CALN1: variants seen among roughly 807,000 people sequenced by gnomAD.
The protein encoded by CALN1 is calcium-binding protein 8.
Under a neutral mutation model 30.6 loss-of-function variants are expected in CALN1, and 17 were observed. The ratio of observed to expected loss-of-function variants is 0.56; its 90% CI spans 0.38 to 0.83. CALN1 has a LOEUF of 0.83. Ranked by LOEUF, CALN1 falls within the 40% of genes least tolerant of loss-of-function variation. CALN1 has a pLI of 0.00. For missense variants in CALN1, 291 were observed against 354.9 expected (o/e 0.82, Z 1.45); for synonymous variants, 156 against 131.4 (o/e 1.19, Z -1.28).
intron 5 of CALN1, among the ~76,000 whole-genome samples, chr7:71,924,338 C>A (rs905740000): frequency 6.6e-6 from 1 of 151,686 alleles, no homozygotes; most frequent in South Asian, 2.1e-4. Flanking sequence ...TTCAGACCAG[C>A]CTTTCCAGAT....
intron 2 of CALN1, among the ~76,000 whole-genome samples, chr7:72,306,954 T>A (rs983753410): frequency 6.6e-6 from 1 of 152,156 alleles, no homozygotes; most frequent in Non-Finnish European, 1.5e-5. Context: ...CCAGATAGCA[T>A]CACACGGAAG....
At chr7:72,437,097 A>C (rs1314088714) in intron 1 of CALN1, among the ~76,000 whole-genome samples, 2 of 151,712 alleles carry the variant, frequency 1.3e-5, no homozygotes, top group Non-Finnish European at 2.9e-5. Flanking sequence ...GAACCTCTAG[A>C]TGATTTTGGT....
chr7:71,847,749 G>T (rs1051976716), intron 5 of CALN1, among the ~76,000 whole-genome samples: 1 of 118,908 alleles, frequency 8.4e-6, no homozygotes. Flanking sequence ...GAAAGAAGAA[G>T]AAAGAAGAAA....
intron 5 of CALN1, among the ~76,000 whole-genome samples, chr7:72,001,755 G>A (rs1230923298): frequency 1.3e-5 from 2 of 152,114 alleles, no homozygotes; most frequent in African/African-American, 2.4e-5. Context: ...TTTCTTCTGA[G>A]AAGGCAAGAA....
chr7:72,492,699 T>C, the CALN1 span, among the ~76,000 whole-genome samples: 1 of 152,316 alleles, frequency 6.6e-6, no homozygotes, highest in South Asian at 2.1e-4. Context: ...TACCCACTCT[T>C]ATCTGGACCT....
chr7:72,308,369 G>GGT (rs1488050639), intron 2 of CALN1, among the ~76,000 whole-genome samples: 1 of 103,810 alleles, frequency 9.6e-6, no homozygotes. Context: ...GTCTGTGGGG[G>GGT]GGGGAGAGAG....
rs1800682142 is a variant in CALN1, at chr7:72,021,137, T to C, written c.501+2520A>G. 5.3e-5 allele frequency among the ~76,000 whole-genome samples: 8 copies of C among 152,162 alleles called. No homozygotes were observed. In the South Asian group the frequency reaches 1.5e-3, roughly 28 times the overall value. On this transcript the variant is annotated intron_variant, in intron 5 of 6. Transcript: ENST00000395275. ...AAACACAGAAAAATATAGCAGGGTA[T>C]GGTGGCTTGCACCTGTGGTCCCAGC...
intron 5 of CALN1, among the ~76,000 whole-genome samples, chr7:71,934,886 A>G (rs992145982): frequency 1.3e-5 from 2 of 152,240 alleles, no homozygotes; most frequent in African/African-American, 4.8e-5. Flanking sequence ...GAACTTGTGC[A>G]GGAGAACTCC....
At chr7:71,953,853 G>C (rs113690722) in intron 5 of CALN1, among the ~76,000 whole-genome samples, 2 of 152,132 alleles carry the variant, frequency 1.3e-5, no homozygotes, top group East Asian at 3.9e-4. Context: ...CTGTCTCCTG[G>C]GGGGTGAGGG....
At chr7:72,444,988 C>T (rs1466658722) in intron 1 of CALN1, among the ~76,000 whole-genome samples, 2 of 150,178 alleles carry the variant, frequency 1.3e-5, no homozygotes, top group African/African-American at 2.4e-5. Flanking sequence ...CACAAAGTTG[C>T]CAGATCTAAA....
intron 5 of CALN1, among the ~76,000 whole-genome samples, chr7:72,020,007 T>C (rs1050422420): frequency 6.6e-6 from 1 of 152,216 alleles, no homozygotes; most frequent in Non-Finnish European, 1.5e-5. Flanking sequence ...CCTCCTAAGA[T>C]CAATATCTTC....
intron 5 of CALN1, among the ~76,000 whole-genome samples, chr7:71,946,728 C>T (rs2129523504): frequency 6.6e-6 from 1 of 152,196 alleles, no homozygotes; most frequent in Non-Finnish European, 1.5e-5. Flanking sequence ...ATGAAAAGGC[C>T]TTTTTTCCTC....
intron 6 of CALN1, among the ~76,000 whole-genome samples, chr7:71,792,614 C>T (rs1022449653): frequency 6.6e-6 from 1 of 151,972 alleles, no homozygotes; most frequent in Non-Finnish European, 1.5e-5. Context: ...TACCAAGTCC[C>T]AGGAAGGAAA....
intron 5 of CALN1, among the ~76,000 whole-genome samples, chr7:71,892,895 T>A (rs530323470): frequency 6.6e-6 from 1 of 152,300 alleles, no homozygotes; most frequent in African/African-American, 2.4e-5. Flanking sequence ...GTCATTTTTT[T>A]TTTGGAGACA....
Position 71,969,332 on chromosome 7 carries a change from T to C in CALN1, c.501+54325A>G, listed in dbSNP as rs188730014. On this transcript the variant is annotated intron_variant, in intron 5 of 6. Transcript: ENST00000395275. ...GGTATTAACCTTCTCCTCAGCATCA[T>C]CTTACTTTCCTACTTTCATTTGCCT... Among the ~76,000 whole-genome samples, 85 of 152,276 alleles carry C rather than the reference T, an allele frequency of 5.6e-4. 1 individual carries two copies. Among genetic ancestry groups the C allele is most frequent in the Non-Finnish European group, 1.5e-5 (1 of 68,020 alleles).
chr7:72,371,007 C>A (rs930284900), intron 2 of CALN1, among the ~76,000 whole-genome samples: 5 of 136,262 alleles, frequency 3.7e-5, no homozygotes, highest in Admixed American at 3.2e-4. Context: ...AAGATCACCC[C>A]ACAGAACTCC....
At chr7:72,455,235 G>C in the CALN1 span, among the ~76,000 whole-genome samples, 1 of 151,822 alleles carries the variant, frequency 6.6e-6, no homozygotes, top group East Asian at 1.9e-4. Context: ...CCAGGAGTTT[G>C]AAGCTGCAGT....
In CALN1 at chr7:71,928,501, C is replaced by T. The variant is rs192796575; in HGVS notation, c.501+95156G>A. On this transcript the variant is annotated intron_variant, in intron 5 of 6. Coordinates refer to ENST00000395275, the MANE Select transcript of CALN1 (RefSeq NM_031468.4). ...GTTTTGTACAGACACAATTTTACCC[C>T]GAATATTTTTGATCCACGGTTATTT... is the stretch of plus-strand genomic sequence containing the variant. Among the ~76,000 whole-genome samples the T allele has an allele frequency of 7.9e-5, 12 of 151,866 alleles. No individual in the cohort carries two copies. The East Asian group carries it at 1.4e-3, about 17-fold the overall frequency.
Position 72,227,542 on chromosome 7 carries a change from AAAAAAAAG to A in CALN1, c.244+51136_244+51143del, listed in dbSNP as rs1205540615. Among the ~76,000 whole-genome samples the A allele has an allele frequency of 4.4e-3, 149 of 34,030 alleles. 1 individual carries two copies. The East Asian group carries it at 0.057, about 13-fold the overall frequency. The allele number at this position is 34,030 out of a possible 152,430, so 22.3% of individuals were successfully genotyped here. On this transcript the variant is annotated intron_variant, in intron 3 of 6. Coordinates refer to ENST00000395275, the MANE Select transcript of CALN1 (RefSeq NM_031468.4). ...GTGACAGAGAAAGACTCCGTCTCAAAAAAAAAAGAAAAAAAAGAAAAAAGAAAAAAGGT... is the reference window on the plus strand; with the variant it reads ...GTGACAGAGAAAGACTCCGTCTCAAAAAAAAAAAGAAAAAAGAAAAAAGGT...
Sources: allele counts gnomAD v4.1 joint callset (sites outside exome capture counted in the v4.1 genomes callset), GRCh38; gene constraint gnomAD v4.1.1; transcripts MANE v1.5; gene names NCBI Gene and HGNC (gene_info 2026-07-23, HGNC 2026-07-21).